The following DOT1L variants were observed in gnomAD, a reference collection of about 807,000 sequenced individuals.
DOT1L encodes histone-lysine N-methyltransferase, H3 lysine-79 specific.
In DOT1L, 33 loss-of-function variants were observed where a neutral mutation model predicts 153.3. The observed-to-expected ratio is 0.22, with a 90% confidence interval of 0.16 to 0.29. DOT1L has a LOEUF of 0.29. DOT1L is among the 10% of genes least tolerant of loss of function. DOT1L has a pLI of 1.00. For missense variants in DOT1L, 1,847 were observed against 2,119.9 expected (o/e 0.87, Z 2.53); for synonymous variants, 1,135 against 965.1 (o/e 1.18, Z -3.26).
At chr19:2,174,261 C>G (rs555232360) in intron 1 of DOT1L, among the ~76,000 whole-genome samples, 2 of 152,336 alleles carry the variant, frequency 1.3e-5, no homozygotes. Context: ...TTCACACTGC[C>G]CTTGATCCTA....
In DOT1L at chr19:2,220,156, C is replaced by G; in HGVS notation, c.2740C>G (p.Leu914Val). The change falls in exon 23 of 28, where the codon CTT becomes GTT. Residue 914 changes from leucine to valine, a missense_variant. Physicochemically the swap from Leu to Val is conservative, Grantham distance 32. Coordinates refer to ENST00000398665, the MANE Select transcript of DOT1L (RefSeq NM_032482.3). The surrounding 1 kb of genome is among the most constrained non-coding windows in gnomAD (Gnocchi z 4.5). ...VLQPRDPSST[L>V]EKQIGANAHG... ...GCAGCCCCGTGACCCCTCGTCCACA[C>G]TTGAAAAGCAGATTGGTGCTAATGC... The G allele has an allele frequency of 6.2e-7, 1 of 1,613,780 alleles. No homozygotes were observed. The highest frequency in any genetic ancestry group is 8.5e-7 in the Non-Finnish European group (1 of 1,179,974).
intron 1 of DOT1L, among the ~76,000 whole-genome samples, chr19:2,172,339 G>A (rs1352422376): frequency 5.3e-5 from 8 of 151,280 alleles, no homozygotes; most frequent in African/African-American, 1.7e-4. Flanking sequence ...ACAGGCGCCC[G>A]CCGCCACGCC....
At chr19:2,186,594 C>T (rs191588638) in intron 3 of DOT1L, among the ~76,000 whole-genome samples, 17 of 152,318 alleles carry the variant, frequency 1.1e-4, no homozygotes, top group Admixed American at 9.8e-4. Context: ...CAGAGGGCCA[C>T]GCGGCTGCAC....
At position 2,222,541 on chromosome 19, in the gene DOT1L, C is replaced by T. The variant is rs1262391668; in HGVS notation, c.3372C>T (p.Pro1124=). 2 of 1,547,536 alleles carry T rather than the reference C, an allele frequency of 1.3e-6. No homozygotes were observed. The highest frequency in any genetic ancestry group is 1.8e-5 in the Admixed American group (1 of 54,254). ...TTTTCACACAGCCTTCGGGGTCTCC[C>T]CTCAACCTCAACTCCATGGTAAGGA... The part of the protein sequence containing the change: ...AGLFTQPSGS[P]LNLNSMVSNI... The change falls in exon 24 of 28, where the codon CCC becomes CCT. Residue 1124 remains proline (P), a synonymous_variant. Coordinates refer to ENST00000398665, the MANE Select transcript of DOT1L (RefSeq NM_032482.3). The surrounding 1 kb of genome is among the most constrained non-coding windows in gnomAD (Gnocchi z 6.5).
intron 1 of DOT1L, among the ~76,000 whole-genome samples, chr19:2,173,171 G>A (rs535855800): frequency 2.6e-5 from 4 of 152,190 alleles, no homozygotes; most frequent in African/African-American, 7.2e-5. Flanking sequence ...GGAGGCCCAC[G>A]AGTCCCGCGC....
intron 27 of DOT1L, chr19:2,227,638 C>A: frequency 8.2e-7 from 1 of 1,220,440 alleles, no homozygotes; most frequent in African/African-American, 1.6e-5. Flanking sequence ...CGCCTGGCGG[C>A]GCCGTTTCGC....
Position 2,227,136 on chromosome 19 carries a change from G to A in DOT1L, c.4606+9G>A. The A allele has an allele frequency of 6.4e-7, 1 of 1,556,390 alleles. No individual in the cohort carries two copies. The highest frequency in any genetic ancestry group is 8.6e-7 in the Non-Finnish European group (1 of 1,161,340). On this transcript the variant is annotated intron_variant, in intron 27 of 27. Coordinates refer to ENST00000398665, the MANE Select transcript of DOT1L (RefSeq NM_032482.3). ...AGGCGGCACAGTTGGAGGTAGGCAG[G>A]GCGGCCGTCCGTCCGCCCCCCGCCC...
At position 2,226,880 on chromosome 19, in the gene DOT1L, C is replaced by G. The variant is rs372208069; in HGVS notation, c.4359C>G (p.Gly1453=). 6.4e-7 allele frequency: 1 copy of G among 1,572,620 alleles called. No individual in the cohort carries two copies. The highest frequency in any genetic ancestry group is 1.4e-5 in the African/African-American group (1 of 71,986). The part of the protein sequence containing the change: ...GLAPAASSAG[G]AASSAQTHRS... ...CCCCGGCGGCGTCCTCCGCAGGCGG[C>G]GCGGCGTCCTCCGCCCAGACGCACC... Residue 1453 remains glycine (G), a synonymous_variant, in exon 27 of 28, where the codon GGC becomes GGG. Transcript: ENST00000398665.
Position 2,229,768 on chromosome 19 carries a change from G to A in DOT1L, c.4607-17G>A, listed in dbSNP as rs529187608. 125 of 1,613,128 alleles carry A rather than the reference G, an allele frequency of 7.7e-5. 1 individual carries two copies. The South Asian group carries it at 1.2e-3, about 15-fold the overall frequency. Reference sequence around the variant, plus strand: ...ATGGTAACCTCAGGCCGCTCTTCCCGCTGTGCCCTTCTGCAGGTAACTAGG... The same window carrying A: ...ATGGTAACCTCAGGCCGCTCTTCCCACTGTGCCCTTCTGCAGGTAACTAGG... On this transcript the variant is annotated splice_polypyrimidine_tract_variant and intron_variant, in intron 27 of 27. Coordinates refer to ENST00000398665, the MANE Select transcript of DOT1L (RefSeq NM_032482.3).
chr19:2,216,468 T>C lies in DOT1L; in HGVS notation c.2111T>C (p.Leu704Ser). ...LDCTKFSLPH[L>S]SSMSPELSMN... Reference sequence around the variant, plus strand: ...TGCACCAAGTTCTCGCTGCCTCACTTGAGCAGCATGAGCCCGGAGCTCTCC... The same window carrying C: ...TGCACCAAGTTCTCGCTGCCTCACTCGAGCAGCATGAGCCCGGAGCTCTCC... The change falls in exon 20 of 28, where the codon TTG (leucine) becomes TCG (serine). Residue 704 changes from leucine to serine, a missense_variant. This residue lies in a region of DOT1L where 281 missense variants were observed against 263.6 expected (regional missense o/e 1.07). Transcript: ENST00000398665. 1 of 1,612,674 alleles carries C rather than the reference T, an allele frequency of 6.2e-7. No individual in the cohort carries two copies. Among genetic ancestry groups the C allele is most frequent in the Non-Finnish European group, 8.5e-7 (1 of 1,179,940 alleles).
At chr19:2,228,003 A>G (rs2024434457) in intron 27 of DOT1L, 1 of 1,191,676 alleles carries the variant, frequency 8.4e-7, no homozygotes, top group Non-Finnish European at 1.1e-6. Context: ...CCCTCCACCT[A>G]ACGCCGCCTT....
At chr19:2,224,979 G>T (rs188433743) in intron 25 of DOT1L, among the ~76,000 whole-genome samples, 1 of 152,308 alleles carries the variant, frequency 6.6e-6, no homozygotes, top group African/African-American at 2.4e-5. Flanking sequence ...ATGTCTTCAC[G>T]TGCTGGCCTG....
intron 19 of DOT1L, among the ~76,000 whole-genome samples, chr19:2,215,307 T>C (rs2023858418): frequency 6.6e-6 from 1 of 151,996 alleles, no homozygotes; most frequent in Admixed American, 6.6e-5. Flanking sequence ...GAGAAACGCA[T>C]TCGTGGAGGC....
intron 3 of DOT1L, among the ~76,000 whole-genome samples, chr19:2,186,474 C>T (rs1307820277): frequency 2.0e-5 from 3 of 146,766 alleles, no homozygotes; most frequent in African/African-American, 7.6e-5. Flanking sequence ...GAAGACATTC[C>T]AGGCTCATGC....
At chr19:2,181,120 G>C (rs2022210390) in intron 2 of DOT1L, among the ~76,000 whole-genome samples, 1 of 152,224 alleles carries the variant, frequency 6.6e-6, no homozygotes. Flanking sequence ...AGCATTCTGG[G>C]GGTGACTTGG....
chr19:2,227,017 G>C lies in DOT1L; in HGVS notation c.4496G>C (p.Ser1499Thr). The change falls in exon 27 of 28, where the codon AGC (serine) becomes ACC (threonine). Residue 1499 changes from serine (S) to threonine (T), a missense_variant. Physicochemically the swap from Ser to Thr is moderately conservative, Grantham distance 58 (BLOSUM62 1). Around this residue, in one of 8 missense-constraint regions of DOT1L, gnomAD observed 934 missense variants for 825.3 expected, o/e 1.13. Transcript: ENST00000398665. Reference protein sequence around the residue: ...AGSSVLQSLFSSVPAAAGLVH... With the variant: ...AGSSVLQSLFTSVPAAAGLVH... ...TCCTCCGTGCTGCAGTCGCTGTTCAGCTCTGTGCCGGCCGCCGCAGGCCTG... is the reference window on the plus strand; with the variant it reads ...TCCTCCGTGCTGCAGTCGCTGTTCACCTCTGTGCCGGCCGCCGCAGGCCTG... 3 of 1,588,838 alleles carry C rather than the reference G, an allele frequency of 1.9e-6. No individual in the cohort carries two copies. The highest frequency in any genetic ancestry group is 2.6e-6 in the Non-Finnish European group (3 of 1,174,608).
chr19:2,217,135 A>G lies in DOT1L; in HGVS notation c.2544+45A>G. 1.3e-6 allele frequency: 2 copies of G among 1,529,846 alleles called. No homozygotes were observed. The highest frequency in any genetic ancestry group is 1.8e-6 in the Non-Finnish European group (2 of 1,139,896). 94.8% of individuals were successfully genotyped at this position (1,529,846 alleles called of 1,614,324 possible). The stretch of plus-strand genomic sequence containing the variant: ...CCCCGGGCTCAGGGAGGTGCTCAGC[A>G]GAGGCGGCCTGAGCGAGTTGCTAGC... On this transcript the variant is annotated intron_variant, in intron 21 of 27. Coordinates refer to ENST00000398665, the MANE Select transcript of DOT1L (RefSeq NM_032482.3). This position sits in a 1 kb window ranked among gnomAD's most constrained non-coding sequence, Gnocchi z 7.3.
intron 2 of DOT1L, among the ~76,000 whole-genome samples, chr19:2,183,684 T>C (rs965139911): frequency 6.6e-6 from 1 of 151,286 alleles, no homozygotes; most frequent in African/African-American, 2.4e-5. Context: ...TGGAGTGTGG[T>C]GGCGCATCCT....
At position 2,216,997 on chromosome 19, in the gene DOT1L, C is replaced by G. The variant is rs1284465831; in HGVS notation, c.2451C>G (p.Pro817=). 1.5e-5 allele frequency: 25 copies of G among 1,613,034 alleles called. No homozygotes were observed. The Admixed American group carries it at 4.2e-4, about 27-fold the overall frequency. Residue 817 remains proline (P), a synonymous_variant, in exon 21 of 28, where the codon CCC becomes CCG. Transcript: ENST00000398665. ...TKENGLPYQS[P]SVPGSMKLSP... The stretch of plus-strand genomic sequence containing the variant: ...AGAACGGCCTTCCCTACCAGAGCCC[C>G]AGCGTGCCTGGCAGCATGAAGCTGA...
Sources: gnomAD v4.1 joint callset for allele counts (sites outside exome capture counted in the v4.1 genomes callset) on GRCh38, gnomAD v4.1.1 for gene constraint, gnomAD v4.1.1 regional missense constraint, Gnocchi (gnomAD v3.1) non-coding constraint, MANE v1.5 for transcripts, NCBI Gene and HGNC (gene_info 2026-07-23, HGNC 2026-07-21) for gene names.